The following KLHL17 variants were observed in gnomAD, a reference collection of about 807,000 sequenced individuals.
KLHL17 encodes the protein kelch like family member 17, also known as kelch-like protein 17.
A neutral mutation model predicts 64.6 loss-of-function variants in KLHL17; 71 were observed. The observed-to-expected ratio is 1.10, with a 90% CI of 0.91 to 1.34. KLHL17 has a LOEUF of 1.34. Among genes scored for constraint, KLHL17 ranks in the 40% most tolerant of loss-of-function variants. The pLI is 0.00. For missense variants in KLHL17, 1,140 were observed against 935.0 expected (o/e 1.22, Z -2.86); for synonymous variants, 612 against 405.4 (o/e 1.51, Z -6.12).
Position 961,353 on chromosome 1 carries a change from C to G in KLHL17, c.168C>G (p.Ala56=), listed in dbSNP as rs553999710. Residue 56 remains alanine, a synonymous_variant, in exon 2 of 12, where the codon GCC becomes GCG. Coordinates refer to ENST00000338591, the MANE Select transcript of KLHL17 (RefSeq NM_198317.3). Reference sequence around the variant, plus strand: ...GGCCCGCAGCCCCCATGGAGGGAGCCGTGCAGCTGCTGAGCCGCGAGGGCC... The same window carrying G: ...GGCCCGCAGCCCCCATGGAGGGAGCGGTGCAGCTGCTGAGCCGCGAGGGCC... The part of the protein sequence containing the change: ...QARPAAPMEG[A]VQLLSREGHS... 5.1e-6 allele frequency: 8 copies of G among 1,579,560 alleles called. No individual in the cohort carries two copies. Among genetic ancestry groups the G allele is most frequent in the South Asian group, 2.3e-5 (2 of 88,056 alleles).
rs1642710166 is a variant in KLHL17, at chr1:962,629, C to T, written c.829-75C>T. ...TCCATCACACAGGTGGTACGGGCAT[C>T]TGGGGGGTTGTCTCAGCCCTGACGC... On this transcript the variant is annotated intron_variant, in intron 5 of 11. Transcript: ENST00000338591. 1.4e-5 allele frequency: 22 copies of T among 1,527,888 alleles called. No homozygotes were observed. The South Asian group carries it at 1.9e-4, about 13-fold the overall frequency. 94.6% of individuals were successfully genotyped at this position (1,527,888 alleles called of 1,614,324 possible).
intron 1 of KLHL17, 56 bp downstream of exon 1, chr1:960,856 G>A: frequency 1.0e-6 from 1 of 972,124 alleles, no homozygotes; most frequent in Non-Finnish European, 1.2e-6. Flanking sequence ...CGCGGCCCCC[G>A]CCCTCGCGTC....
intron 2 of KLHL17, 32 bp from the exon 3 acceptor site, chr1:961,597 G>A (rs201970099): frequency 1.9e-6 from 3 of 1,612,624 alleles, no homozygotes; most frequent in Non-Finnish European, 2.5e-6. Flanking sequence ...TGGGTCCCTC[G>A]GGTCAGCTCG....
chr1:961,156 C>G, intron 1 of KLHL17, 137 bp from the exon 2 acceptor site: 1 of 523,166 alleles, frequency 1.9e-6, no homozygotes, highest in Non-Finnish European at 2.7e-6. Flanking sequence ...GGGTCCTTGG[C>G]GGAGGTCAGG....
Position 962,418 on chromosome 1 carries a change from G to C in KLHL17, c.775G>C (p.Val259Leu). 2 of 1,612,766 alleles carry C rather than the reference G, an allele frequency of 1.2e-6. No homozygotes were observed. The highest frequency in any genetic ancestry group is 4.5e-5 in the East Asian group (2 of 44,880). Residue 259 changes from valine (V) to leucine (L), a missense_variant, in exon 5 of 12, where the codon GTC becomes CTC. Physicochemically the swap from Val to Leu is conservative, Grantham distance 32. Transcript: ENST00000338591. ...TTCAGAGGAGGAGGTCTACCGAGCC[G>C]TCCTGAGCTGGGTGAAACACGACGT... ...VPSEEEVYRA[V>L]LSWVKHDVDA...
chr1:962,073 G>GGC, intron 4 of KLHL17, 26 bp downstream of exon 4: 46 of 1,559,806 alleles, frequency 2.9e-5, no homozygotes, highest in South Asian at 1.2e-4. Flanking sequence ...CCCAGCCCTC[G>GGC]CCCCCCACCC....
intron 10 of KLHL17, 66 bp downstream of exon 10, chr1:964,246 C>G: frequency 6.3e-7 from 1 of 1,599,078 alleles, no homozygotes; most frequent in Non-Finnish European, 8.5e-7. Flanking sequence ...CCTCTGTTTA[C>G]CCACATCCCC....
rs1191298466 is a variant in KLHL17, at chr1:961,846, T to C, written c.510T>C (p.Ser170=). The C allele has an allele frequency of 1.2e-6, 2 of 1,610,970 alleles. No individual in the cohort carries two copies. The highest frequency in any genetic ancestry group is 2.2e-5 in the East Asian group (1 of 44,854). ...GNVQTLLPAA[S]LLQLNGVRDA... is the part of the protein sequence containing the mutation. ...CGTAGACTCTGCTCCCAGCCGCCAG[T>C]CTCCTGCAGCTGAATGGCGTCCGAG... Residue 170 remains serine, a synonymous_variant, in exon 4 of 12, where the codon AGT becomes AGC. Transcript: ENST00000338591.
In KLHL17 at chr1:965,130, A is replaced by C. The variant is rs1042446156; in HGVS notation, c.1868A>C (p.Glu623Ala). The change falls in exon 12 of 12, where the codon GAG becomes GCG. Residue 623 changes from glutamate to alanine, a missense_variant. Physicochemically the swap from Glu to Ala is moderately radical, Grantham distance 107 (BLOSUM62 -1). Coordinates refer to ENST00000338591, the MANE Select transcript of KLHL17 (RefSeq NM_198317.3). ...RRSSVGVAVL[E>A]LLNFPPPSSP... ...AGCAGTGTGGGTGTGGCGGTGCTGG[A>C]GCTGCTCAATTTCCCGCCGCCATCC... The C allele has an allele frequency of 6.2e-7, 1 of 1,612,260 alleles. No homozygotes were observed. The highest frequency in any genetic ancestry group is 1.3e-5 in the African/African-American group (1 of 74,746).
chr1:964,295 CA>C (rs1642797516), intron 10 of KLHL17, 53 bp from the exon 11 acceptor site: 1 of 1,581,596 alleles, frequency 6.3e-7, no homozygotes, highest in Admixed American at 1.8e-5. Flanking sequence ...GGGGCTGCGG[CA>C]GAGGAGGGAT....
Position 963,102 on chromosome 1 carries a change from T to G in KLHL17, c.1043-7T>G. 1.9e-6 allele frequency: 3 copies of G among 1,610,896 alleles called. No individual in the cohort carries two copies. The highest frequency in any genetic ancestry group is 2.5e-6 in the Non-Finnish European group (3 of 1,179,136). On this transcript the variant is annotated splice_polypyrimidine_tract_variant and splice_region_variant and intron_variant, in intron 6 of 11. Transcript: ENST00000338591. ...TCACGAGTCCCGTCTCCACCTGCCCTCCCCAGGCGGCGGGAGCCTGTTTGC... is the reference window on the plus strand; with the variant it reads ...TCACGAGTCCCGTCTCCACCTGCCCGCCCCAGGCGGCGGGAGCCTGTTTGC...
At position 961,812 on chromosome 1, in the gene KLHL17, T is replaced by A. The variant is rs751354441; in HGVS notation, c.490-14T>A. 14 of 1,610,298 alleles carry A rather than the reference T, an allele frequency of 8.7e-6. No homozygotes were observed. The African/African-American group carries it at 9.3e-5, about 11-fold the overall frequency. ...ACCCTGTGCCTCCCTCACCTGCCTC[T>A]CGGTGCCCCGTAGACTCTGCTCCCA... On this transcript the variant is annotated splice_polypyrimidine_tract_variant and intron_variant, in intron 3 of 11. Transcript: ENST00000338591.
At position 960,668 on chromosome 1, in the gene KLHL17, G is replaced by A. The variant is rs1642595578; in HGVS notation, c.-26G>A. The A allele has an allele frequency of 3.7e-6, 5 of 1,360,684 alleles. No homozygotes were observed. The highest frequency in any genetic ancestry group is 3.8e-6 in the Non-Finnish European group (4 of 1,051,088). The allele number at this position is 1,360,684 out of a possible 1,614,324, so 84.3% of individuals were successfully genotyped here. A position where few individuals can be genotyped will look rare whatever the true frequency, so the allele number is the denominator to read the frequency against. The stretch of plus-strand genomic sequence containing the variant: ...TCCGTTAAGCCCGCGGGTCCTCCGC[G>A]AATCGGCGGTGGGTCCGGCAGCCGA... On this transcript the variant is annotated 5_prime_UTR_variant, in exon 1 of 12. Coordinates refer to ENST00000338591, the MANE Select transcript of KLHL17 (RefSeq NM_198317.3).
rs759628550 is a variant in KLHL17 at position 962,692 on chromosome 1, C to A, written c.829-12C>A. The A allele has an allele frequency of 1.3e-6, 2 of 1,576,976 alleles. No homozygotes were observed. Among genetic ancestry groups the A allele is most frequent in the South Asian group, 1.2e-5 (1 of 86,672 alleles). ...AGGGTCCCGCCTGACCTTGGCGTTC[C>A]CTGCACCCCAGCTCATGAAGTGTGT... On this transcript the variant is annotated splice_polypyrimidine_tract_variant and intron_variant, in intron 5 of 11. Coordinates refer to ENST00000338591, the MANE Select transcript of KLHL17 (RefSeq NM_198317.3).
Position 962,877 on chromosome 1 carries a change from C to G in KLHL17, c.1002C>G (p.Pro334=). The part of the protein sequence containing the change: ...RGVLGTSRTR[P]RRCEGAGPVL... ...TCCTAGGCACCAGCCGCACACGTCC[C>G]CGGCGCTGCGAGGGGGCCGGGCCTG... The change falls in exon 6 of 12, where the codon CCC becomes CCG. Residue 334 remains proline (P), a synonymous_variant. Coordinates refer to ENST00000338591, the MANE Select transcript of KLHL17 (RefSeq NM_198317.3). 6.3e-7 allele frequency: 1 copy of G among 1,579,238 alleles called. No homozygotes were observed. Among genetic ancestry groups the G allele is most frequent in the Non-Finnish European group, 8.6e-7 (1 of 1,166,892 alleles).
Position 962,700 on chromosome 1 carries a change from C to G in KLHL17, c.829-4C>G, listed in dbSNP as rs750157617. 1 of 1,585,728 alleles carries G rather than the reference C, an allele frequency of 6.3e-7. No individual in the cohort carries two copies. Among genetic ancestry groups the G allele is most frequent in the Non-Finnish European group, 8.6e-7 (1 of 1,169,274 alleles). On this transcript the variant is annotated splice_polypyrimidine_tract_variant and splice_region_variant and intron_variant, in intron 5 of 11. Transcript: ENST00000338591. ...GCCTGACCTTGGCGTTCCCTGCACC[C>G]CAGCTCATGAAGTGTGTGCGGCTGC...
At chr1:961,594 C>G in intron 2 of KLHL17, 35 bp from the exon 3 acceptor site, 1 of 1,612,732 alleles carries the variant, frequency 6.2e-7, no homozygotes, top group Non-Finnish European at 8.5e-7. Context: ...CCGTGGGTCC[C>G]TCGGGTCAGC....
chr1:964,301 A>C (rs1189752044), intron 10 of KLHL17, 48 bp from the exon 11 acceptor site: 1 of 1,578,798 alleles, frequency 6.3e-7, no homozygotes, highest in Non-Finnish European at 8.6e-7. Context: ...GCGGCAGAGG[A>C]GGGATGCCAG....
chr1:964,312 T>C, intron 10 of KLHL17, 37 bp from the exon 11 acceptor site: 2 of 1,552,714 alleles, frequency 1.3e-6, no homozygotes, highest in Non-Finnish European at 1.7e-6. Flanking sequence ...GGGATGCCAG[T>C]GGCGGGTCTG....
Sources: allele counts gnomAD v4.1 joint callset, GRCh38; gene constraint gnomAD v4.1.1; transcripts MANE v1.5; gene names NCBI Gene and HGNC (gene_info 2026-07-23, HGNC 2026-07-21).